The following FANCA variants were observed in gnomAD, a reference collection of about 807,000 sequenced individuals.
FANCA encodes Fanconi anemia group A protein.
Under a neutral mutation model 194.3 loss-of-function variants are expected in FANCA, and 236 were observed. The ratio of observed to expected loss-of-function variants is 1.21; its 90% confidence interval spans 1.09 to 1.35. The LOEUF (loss-of-function observed/expected upper bound fraction) is 1.35. Among genes scored for constraint, FANCA ranks in the 40% most tolerant of loss-of-function variants. The probability of loss-of-function intolerance (pLI) is 0.00; values close to 1 mark genes in which losing one functional copy is unlikely to be tolerated. For synonymous variants in FANCA, 1,014 were observed against 715.8 expected (o/e 1.42, Z -6.65); for missense variants, 2,628 against 1,813.9 (o/e 1.45, Z -8.15).
rs878934420 is a variant in FANCA at position 89,740,052 on chromosome 16, G to C, written c.3876C>G (p.Leu1292=). Reference sequence around the variant, plus strand: ...ATATCTTCCTCTTCTCTAAACACTCGAGGATTGCTGCACAAACGTGGAAAG... The same window carrying C: ...ATATCTTCCTCTTCTCTAAACACTCCAGGATTGCTGCACAAACGTGGAAAG... The part of the protein sequence containing the change: ...PKAFHVCAAI[L]ECLEKRKISW... Residue 1292 remains leucine (L), a synonymous_variant, in exon 39 of 43, where the codon CTC becomes CTG. Transcript: ENST00000389301. The C allele has an allele frequency of 1.9e-6, 3 of 1,614,106 alleles. No individual in the cohort carries two copies. Among genetic ancestry groups the C allele is most frequent in the Non-Finnish European group, 1.7e-6 (2 of 1,180,016 alleles).
chr16:89,757,073 G>A (rs1051661796), intron 30 of FANCA, among the ~76,000 whole-genome samples: 4 of 152,100 alleles, frequency 2.6e-5, no homozygotes, highest in Non-Finnish European at 4.4e-5. Context: ...CTGCCTCCCC[G>A]GCTCATGCAA....
chr16:89,769,401 A>G (rs17233057), intron 26 of FANCA, among the ~76,000 whole-genome samples: 8 of 152,144 alleles, frequency 5.3e-5, no homozygotes, highest in Non-Finnish European at 1.2e-4. Context: ...TCCTCACCTC[A>G]GCACATGGCC....
At chr16:89,789,475 C>G (rs2021750253) in intron 14 of FANCA, among the ~76,000 whole-genome samples, 3 of 130,000 alleles carry the variant, frequency 2.3e-5, no homozygotes, top group African/African-American at 9.0e-5. Context: ...GAGTCTTGCT[C>G]TGTCTCCCAG....
intron 17 of FANCA, among the ~76,000 whole-genome samples, chr16:89,780,865 G>C (rs1244503492): frequency 6.6e-6 from 1 of 151,266 alleles, no homozygotes; most frequent in African/African-American, 2.4e-5. Flanking sequence ...AGGAGTTTGA[G>C]GCTGCACTGA....
intron 41 of FANCA, 76 bp from the exon 42 acceptor site, chr16:89,739,050 TG>T (rs746415530): frequency 2.5e-6 from 4 of 1,614,028 alleles, no homozygotes; most frequent in Middle Eastern, 1.6e-4. Context: ...ATAGTCTGCA[TG>T]CTGTGCCGGA....
At chr16:89,751,422 T>A (rs2038586170) in intron 31 of FANCA, among the ~76,000 whole-genome samples, 1 of 152,144 alleles carries the variant, frequency 6.6e-6, no homozygotes, top group South Asian at 2.1e-4. Context: ...CAGAGAGATA[T>A]GATCGCACCA....
intron 14 of FANCA, among the ~76,000 whole-genome samples, chr16:89,786,709 G>C (rs2238529): frequency 0.44 from 66,999 of 152,084 alleles, 16,770 homozygotes; most frequent in East Asian, 0.76. Flanking sequence ...CTTGTCAAAT[G>C]TCTCTGAGAG....
At position 89,799,627 on chromosome 16, in the gene FANCA, A is replaced by G; in HGVS notation, c.804T>C (p.Asp268=). The change falls in exon 9 of 43, where the codon GAT becomes GAC. Residue 268 remains aspartate, a synonymous_variant. Coordinates refer to ENST00000389301, the MANE Select transcript of FANCA (RefSeq NM_000135.4). ...EPEKMPQVTV[D]VLQRMLIFAL... ...TACAAATCAGCATTCTCTGCAGTAC[A>G]TCAACCGTGACCTGTCAAAATAGAA... 1.2e-6 allele frequency: 2 copies of G among 1,613,532 alleles called. No homozygotes were observed. The highest frequency in any genetic ancestry group is 1.3e-5 in the African/African-American group (1 of 75,032).
rs369265863 is a variant in FANCA, at chr16:89,790,263, G to A, written c.1359+1140C>T. ...CTAAAAATTAGCCAGGTGTGGTGGC[G>A]AACGCCTGTAACCCCAGCTACTCGG... On this transcript the variant is annotated intron_variant, in intron 14 of 42. Coordinates refer to ENST00000389301, the MANE Select transcript of FANCA (RefSeq NM_000135.4). Among the ~76,000 whole-genome samples the A allele has an allele frequency of 2.3e-4, 35 of 151,546 alleles. No individual in the cohort carries two copies. In the South Asian group the frequency reaches 6.1e-3, roughly 26 times the overall value.
chr16:89,762,750 C>A (rs1023317914), intron 28 of FANCA: 5 of 452,948 alleles, frequency 1.1e-5, no homozygotes, highest in African/African-American at 8.0e-5. Flanking sequence ...TCCCCCTCAG[C>A]CTCTCAGATG....
intron 5 of FANCA, among the ~76,000 whole-genome samples, chr16:89,810,171 A>C (rs2040821443): frequency 6.6e-6 from 1 of 150,922 alleles, no homozygotes; most frequent in African/African-American, 2.4e-5. Context: ...AAAATACAAA[A>C]AATTAGCTGG....
chr16:89,775,388 C>T (rs1347310605), intron 21 of FANCA, among the ~76,000 whole-genome samples: 3 of 152,228 alleles, frequency 2.0e-5, no homozygotes, highest in Non-Finnish European at 4.4e-5. Context: ...ACGACAGGCT[C>T]GAGCCAGCGC....
intron 37 of FANCA, among the ~76,000 whole-genome samples, chr16:89,742,242 G>T (rs2062151322): frequency 6.6e-6 from 1 of 151,856 alleles, no homozygotes; most frequent in South Asian, 2.1e-4. Flanking sequence ...CTCCCTAAGT[G>T]TTGGGATTAC....
intron 21 of FANCA, among the ~76,000 whole-genome samples, chr16:89,773,938 T>C (rs530141579): frequency 6.6e-6 from 1 of 152,012 alleles, no homozygotes; most frequent in South Asian, 2.1e-4. Context: ...TCCAGCTAAT[T>C]TTTTGTATTT....
chr16:89,739,010 A>C, intron 41 of FANCA, 36 bp from the exon 42 acceptor site: 2 of 1,614,022 alleles, frequency 1.2e-6, no homozygotes, highest in East Asian at 4.5e-5. Context: ...AGGTTAGAAG[A>C]CATACAGAAA....
At chr16:89,757,155 T>C (rs529924627) in intron 30 of FANCA, among the ~76,000 whole-genome samples, 108 of 152,016 alleles carry the variant, frequency 7.1e-4, no homozygotes, top group African/African-American at 2.1e-3. Flanking sequence ...TTTTTTTTTG[T>C]CTAGACGGTT....
Position 89,791,514 on chromosome 16 carries a change from G to C in FANCA, c.1248C>G (p.Ala416=). Residue 416 remains alanine, a synonymous_variant, in exon 14 of 43, where the codon GCC becomes GCG. Coordinates refer to ENST00000389301, the MANE Select transcript of FANCA (RefSeq NM_000135.4). Reference sequence around the variant, plus strand: ...CCAGCTGGCAGCTCTCGAATGCCTGGGCCATCAAACGCGCCACCCAGTCTA... The same window carrying C: ...CCAGCTGGCAGCTCTCGAATGCCTGCGCCATCAAACGCGCCACCCAGTCTA... ...LLEDWVARLM[A]QAFESCQLDS... 6.2e-7 allele frequency: 1 copy of C among 1,614,124 alleles called. No individual in the cohort carries two copies. The highest frequency in any genetic ancestry group is 2.2e-5 in the East Asian group (1 of 44,872).
intron 7 of FANCA, among the ~76,000 whole-genome samples, chr16:89,803,608 A>G (rs528096648): frequency 6.6e-6 from 1 of 150,884 alleles, no homozygotes; most frequent in East Asian, 2.0e-4. Context: ...GAACAAGTTT[A>G]TAGTCAGATT....
chr16:89,772,806 G>C (rs1351457907), intron 22 of FANCA, among the ~76,000 whole-genome samples: 5 of 142,400 alleles, frequency 3.5e-5, no homozygotes, highest in Non-Finnish European at 7.5e-5. Flanking sequence ...GGGACAGAGT[G>C]AGACTCTGTC....
Sources: gnomAD v4.1 joint callset for allele counts (sites outside exome capture counted in the v4.1 genomes callset) on GRCh38, gnomAD v4.1.1 for gene constraint, MANE v1.5 for transcripts, NCBI Gene and HGNC (gene_info 2026-07-23, HGNC 2026-07-21) for gene names.